The following PRKDC variants were observed in gnomAD, a reference collection of about 807,000 sequenced individuals.
The protein encoded by PRKDC is protein kinase, DNA-activated, catalytic subunit.
PRKDC carries 82 observed loss-of-function variants against 486.9 expected under a neutral mutation model. The observed-to-expected ratio is 0.17, with a 90% CI of 0.14 to 0.20. PRKDC has a LOEUF of 0.20. Ranked by LOEUF, PRKDC falls within the 10% of genes least tolerant of loss-of-function variation. The probability of loss-of-function intolerance (pLI) is 1.00; values close to 1 mark genes in which losing one functional copy is unlikely to be tolerated. For missense variants in PRKDC, 4,504 were observed against 5,038.2 expected, an observed-to-expected ratio of 0.89 and a Z score of 3.21; for synonymous variants, 1,895 against 1,837.0, an observed-to-expected ratio of 1.03 and a Z score of -0.81.
At chr8:47,896,390 G>A (rs910079664) in intron 30 of PRKDC, among the ~76,000 whole-genome samples, 31 of 152,208 alleles carry the variant, frequency 2.0e-4, no homozygotes, top group African/African-American at 5.8e-4. Flanking sequence ...GCTGACGCCT[G>A]TAATCCCAGC....
rs936250722 is a variant in PRKDC, at chr8:47,891,342, A to G, written c.3848-862T>C. ...TTCCAACATAATTTAAGGAAAGTCA[A>G]TCCAAACTGTCAACTGACCTCGTTA... On this transcript the variant is annotated intron_variant, in intron 31 of 85. Transcript: ENST00000314191. Among the ~76,000 whole-genome samples the G allele has an allele frequency of 4.6e-5, 7 of 152,226 alleles. No individual in the cohort carries two copies. In the East Asian group the frequency reaches 1.3e-3, roughly 29 times the overall value.
chr8:47,816,085 G>A (rs1037952356), intron 68 of PRKDC, among the ~76,000 whole-genome samples: 13 of 152,024 alleles, frequency 8.6e-5, no homozygotes, highest in Admixed American at 3.3e-4. Flanking sequence ...ATGGTAGTGC[G>A]TGCCTGTAAT....
chr8:47,796,198 A>C (rs1030681713), intron 73 of PRKDC, among the ~76,000 whole-genome samples: 1 of 152,000 alleles, frequency 6.6e-6, no homozygotes, highest in Non-Finnish European at 1.5e-5. Flanking sequence ...GAATTTTTCA[A>C]ATTTTCATTT....
intron 21 of PRKDC, among the ~76,000 whole-genome samples, chr8:47,923,750 G>A (rs746511654): frequency 5.3e-5 from 8 of 152,194 alleles, no homozygotes; most frequent in East Asian, 1.9e-4. Flanking sequence ...TGCTCCAGCC[G>A]TCAGTCAGCA....
chr8:47,942,574 A>C (rs2090462811), intron 10 of PRKDC, among the ~76,000 whole-genome samples: 1 of 152,208 alleles, frequency 6.6e-6, no homozygotes, highest in African/African-American at 2.4e-5. Context: ...TTACCCATGT[A>C]CAGCAGGGCC....
chr8:47,936,597 T>C, intron 11 of PRKDC, 80 bp from the exon 12 acceptor site: 10 of 1,517,348 alleles, frequency 6.6e-6, no homozygotes, highest in Non-Finnish European at 9.0e-6. Context: ...TTAAGCCATG[T>C]GATTATAAAC....
rs1214020643 is a variant in PRKDC at position 47,826,817 on chromosome 8, C to T, written c.8622G>A (p.Ala2874=). The part of the protein sequence containing the change: ...QHAALLSLDP[A]AVSAGCLASL... ...TGGCCAGGCAACCAGCGCTAACAGC[C>T]GCTGGGTCGAGGCTCAGCAGGGCTG... The change falls in exon 63 of 86, where the codon GCG becomes GCA. Residue 2874 remains alanine, a synonymous_variant. Coordinates refer to ENST00000314191, the MANE Select transcript of PRKDC (RefSeq NM_006904.7). 3.7e-6 allele frequency: 6 copies of T among 1,604,302 alleles called. No individual in the cohort carries two copies. The highest frequency in any genetic ancestry group is 3.4e-5 in the Admixed American group (2 of 58,676).
At chr8:47,872,148 G>A (rs967906219) in intron 40 of PRKDC, among the ~76,000 whole-genome samples, 2 of 152,138 alleles carry the variant, frequency 1.3e-5, no homozygotes, top group African/African-American at 4.8e-5. Context: ...TGAGATTAAA[G>A]TGTATAATTT....
In PRKDC at chr8:47,936,403, T is replaced by C; in HGVS notation, c.1228A>G (p.Met410Val). 6.2e-7 allele frequency: 1 copy of C among 1,614,018 alleles called. No individual in the cohort carries two copies. Among genetic ancestry groups the C allele is most frequent in the South Asian group, 1.1e-5 (1 of 91,076 alleles). Reference protein sequence around the residue: ...TDTGDDRVYQMPSFLQSVASV... With the variant: ...TDTGDDRVYQVPSFLQSVASV... The stretch of plus-strand genomic sequence containing the variant: ...GCAACAGACTGGAGGAAGCTTGGCA[T>C]CTGATAAACACGGTCGTCACCAGTG... Residue 410 changes from methionine to valine, a missense_variant, in exon 12 of 86, where the codon ATG (methionine) becomes GTG (valine). Met to Val is a conservative substitution (Grantham distance 21). Transcript: ENST00000314191.
chr8:47,851,184 A>C (rs1337975611), intron 52 of PRKDC, among the ~76,000 whole-genome samples: 1 of 152,252 alleles, frequency 6.6e-6, no homozygotes, highest in Non-Finnish European at 1.5e-5. Flanking sequence ...ATATTCAGAA[A>C]AAAATACGTA....
intron 23 of PRKDC, among the ~76,000 whole-genome samples, chr8:47,915,126 A>G (rs1335608528): frequency 6.6e-6 from 1 of 152,252 alleles, no homozygotes; most frequent in East Asian, 1.9e-4. Flanking sequence ...AAGCTAGAAC[A>G]TATGTTCTAC....
At chr8:47,879,347 T>G in intron 39 of PRKDC, 144 bp downstream of exon 39, 1 of 711,262 alleles carries the variant, frequency 1.4e-6, no homozygotes, top group African/African-American at 1.8e-5. Context: ...ACAAGCTTTG[T>G]GTAGAAAGAA....
At chr8:47,800,757 A>G (rs767055024) in intron 71 of PRKDC, 36 bp downstream of exon 71, 1 of 1,548,868 alleles carries the variant, frequency 6.5e-7, no homozygotes, top group Non-Finnish European at 8.7e-7. Context: ...GAAGACATAC[A>G]CAGCACACTA....
At chr8:47,817,394 C>T in intron 68 of PRKDC, 56 bp downstream of exon 68, 1 of 1,242,778 alleles carries the variant, frequency 8.0e-7, no homozygotes, top group Non-Finnish European at 1.1e-6. Context: ...GAAGAAAAAC[C>T]ATTCCAACAA....
intron 24 of PRKDC, 100 bp from the exon 25 acceptor site, chr8:47,912,662 C>A: frequency 8.6e-7 from 1 of 1,160,324 alleles, no homozygotes; most frequent in Non-Finnish European, 1.2e-6. Flanking sequence ...AGAAAAATTT[C>A]ATTGCACATA....
intron 40 of PRKDC, among the ~76,000 whole-genome samples, chr8:47,867,314 TTA>T: frequency 6.6e-6 from 1 of 152,272 alleles, no homozygotes; most frequent in East Asian, 1.9e-4. Flanking sequence ...AGCTTTGATT[TTA>T]GTCATGTAAA....
intron 52 of PRKDC, 140 bp downstream of exon 52, chr8:47,852,533 A>G (rs2088432466): frequency 1.9e-6 from 1 of 531,770 alleles, no homozygotes; most frequent in South Asian, 3.6e-5. Flanking sequence ...TATTATAGTA[A>G]GAAACAGTAA....
chr8:47,925,526 C>A (rs1345713399), intron 21 of PRKDC, among the ~76,000 whole-genome samples: 1 of 152,200 alleles, frequency 6.6e-6, no homozygotes, highest in African/African-American at 2.4e-5. Flanking sequence ...ACACTGAATT[C>A]TAAACCAGGA....
At position 47,779,105 on chromosome 8, in the gene PRKDC, G is replaced by C; in HGVS notation, c.11490-12C>G. ...GTGCCCTGGGATCACTAATGAGTGA[G>C]AAAAGGGGAATTGGAATTAGGAAGA... On this transcript the variant is annotated splice_polypyrimidine_tract_variant and intron_variant, in intron 80 of 85. Coordinates refer to ENST00000314191, the MANE Select transcript of PRKDC (RefSeq NM_006904.7). 6.4e-7 allele frequency: 1 copy of C among 1,553,640 alleles called. No homozygotes were observed. Among genetic ancestry groups the C allele is most frequent in the Non-Finnish European group, 8.8e-7 (1 of 1,142,376 alleles).
Sources: allele counts gnomAD v4.1 joint callset (sites outside exome capture counted in the v4.1 genomes callset), GRCh38; gene constraint gnomAD v4.1.1; transcripts MANE v1.5; gene names NCBI Gene and HGNC (gene_info 2026-07-23, HGNC 2026-07-21).